The following ZXDC variants were observed in gnomAD, a reference collection of about 807,000 sequenced individuals.
The protein encoded by ZXDC is ZXD family zinc finger C, also known as zinc finger protein ZXDC.
In ZXDC, 58 loss-of-function variants were observed where a neutral mutation model predicts 63.6. The ratio of observed to expected loss-of-function variants is 0.91; its 90% CI spans 0.74 to 1.13. ZXDC has a LOEUF of 1.13. ZXDC is among the 50% of genes most tolerant of loss of function. The pLI is 0.00. For synonymous variants in ZXDC, 561 were observed against 496.1 expected (o/e 1.13, Z -1.74); for missense variants, 1,133 against 1,148.9 (o/e 0.99, Z 0.20).
chr3:126,441,618 G>C, intron 8 of ZXDC, 147 bp downstream of exon 8: 1 of 1,380,050 alleles, frequency 7.2e-7, no homozygotes, highest in Non-Finnish European at 9.3e-7. Flanking sequence ...ACAGGACTTG[G>C]GGCAGTCTAC....
intron 3 of ZXDC, 53 bp downstream of exon 3, chr3:126,471,920 G>A: frequency 6.8e-7 from 1 of 1,463,604 alleles, no homozygotes. Flanking sequence ...TTCTGCTGCT[G>A]ACAAACCACT....
At chr3:126,469,139 C>T (rs1934885579) in intron 4 of ZXDC, among the ~76,000 whole-genome samples, 1 of 152,156 alleles carries the variant, frequency 6.6e-6, no homozygotes, top group Non-Finnish European at 1.5e-5. Flanking sequence ...GACCTACTTA[C>T]GTGGCAAACT....
intron 7 of ZXDC, among the ~76,000 whole-genome samples, chr3:126,447,503 A>G (rs1017345931): frequency 6.6e-6 from 1 of 152,196 alleles, no homozygotes; most frequent in African/African-American, 2.4e-5. Flanking sequence ...TCATTAAGTA[A>G]TCATCATTCT....
intron 7 of ZXDC, chr3:126,450,661 TC>T (rs748660354): frequency 1.3e-5 from 5 of 392,432 alleles, no homozygotes; most frequent in Non-Finnish European, 2.6e-5. Context: ...TGGAGGGTGG[TC>T]CCTTCTGCTT....
In ZXDC at chr3:126,438,237, T is replaced by G; in HGVS notation, c.*138A>C. 4.2e-6 allele frequency: 3 copies of G among 712,430 alleles called. No individual in the cohort carries two copies. Among genetic ancestry groups the G allele is most frequent in the South Asian group, 3.2e-5 (2 of 62,646 alleles). The allele number at this position is 712,430 out of a possible 1,614,324, so 44.1% of individuals were successfully genotyped here. A position where few individuals can be genotyped will look rare whatever the true frequency, so the allele number is the denominator to read the frequency against. ...ACAAAAGGAAAACATTTTTGATAAA[T>G]GTACCCAAAAGTCTCAAAAGGGCTA... On this transcript the variant is annotated 3_prime_UTR_variant, in exon 10 of 10. Coordinates refer to ENST00000389709, the MANE Select transcript of ZXDC (RefSeq NM_025112.5).
At chr3:126,466,470 A>C in intron 4 of ZXDC, 145 bp from the exon 5 acceptor site, 1 of 836,794 alleles carries the variant, frequency 1.2e-6, no homozygotes, top group Non-Finnish European at 1.9e-6. Context: ...TATCTCTAGA[A>C]GTAGCATCAC....
At chr3:126,466,428 C>A in intron 4 of ZXDC, 103 bp from the exon 5 acceptor site, 1 of 1,005,808 alleles carries the variant, frequency 9.9e-7, no homozygotes, top group Admixed American at 2.2e-5. Flanking sequence ...CTGCATTTTG[C>A]ACCCTGGCTA....
rs750911708 is a variant in ZXDC, at chr3:126,439,746, A to G, written c.2395-19T>C. 35 of 1,547,244 alleles carry G rather than the reference A, an allele frequency of 2.3e-5. No homozygotes were observed. Among genetic ancestry groups the G allele is most frequent in the Non-Finnish European group, 3.1e-5 (35 of 1,145,850 alleles). ...GGTCATCCTGGGAAGGCAACACAGA[A>G]AGGCCTGTCACATGTCTGTGAGAGT... On this transcript the variant is annotated intron_variant, in intron 8 of 9. Transcript: ENST00000389709.
chr3:126,441,017 A>C, intron 8 of ZXDC: 1 of 985,550 alleles, frequency 1.0e-6, no homozygotes, highest in Non-Finnish European at 1.2e-6. Flanking sequence ...AGTGGTGAAG[A>C]GGGGCACACA....
chr3:126,455,864 C>T (rs2107641402), intron 7 of ZXDC, among the ~76,000 whole-genome samples: 1 of 151,964 alleles, frequency 6.6e-6, no homozygotes, highest in African/African-American at 2.4e-5. Context: ...ATTAGCTGGG[C>T]ACGGCAGCGC....
Position 126,438,392 on chromosome 3 carries a change from G to A in ZXDC, c.2560C>T (p.Leu854=), listed in dbSNP as rs1421914532. ...GGCTGCCGTCACTGCAGATCCTGCA[G>A]GTTGATAGTGCTTCCTGGGAACTGG... ...ATQFPGSTIN[L]QDLQ Residue 854 remains leucine (L), a synonymous_variant, in exon 10 of 10, where the codon CTG becomes TTG. Transcript: ENST00000389709. 1.2e-6 allele frequency: 2 copies of A among 1,613,518 alleles called. No homozygotes were observed. Among genetic ancestry groups the A allele is most frequent in the Non-Finnish European group, 1.7e-6 (2 of 1,179,804 alleles).
intron 7 of ZXDC, among the ~76,000 whole-genome samples, chr3:126,456,911 G>A (rs6801309): frequency 7.2e-5 from 11 of 152,238 alleles, no homozygotes; most frequent in Admixed American, 5.9e-4. Context: ...CGTGTGGACA[G>A]CATGGCCCAG....
chr3:126,444,508 G>A (rs1933808201), intron 7 of ZXDC, among the ~76,000 whole-genome samples: 2 of 151,794 alleles, frequency 1.3e-5, no homozygotes, highest in African/African-American at 4.8e-5. Context: ...CTCCAGCCTG[G>A]GTGACAGAGC....
rs1934211838 is a variant in ZXDC at position 126,454,002 on chromosome 3, T to C, written c.2212+5651A>G. 3.4e-6 allele frequency: 3 copies of C among 870,826 alleles called. 1 individual carries two copies. The highest frequency in any genetic ancestry group is 1.1e-4 in the South Asian group (2 of 18,944). 53.9% of individuals were successfully genotyped at this position (870,826 alleles called of 1,614,324 possible). ...ATATATGTGTACATATAGGCATATA[T>C]ATATATAAGCAGTACTATATATTAT... On this transcript the variant is annotated intron_variant, in intron 7 of 9. Transcript: ENST00000389709.
chr3:126,455,028 T>C lies in ZXDC; in HGVS notation c.2212+4625A>G, dbSNP rs994951252. ...TAACCACATGCACAACAGCGAAGTC[T>C]TGACTGTTTCTAAATGACCCGATTC... On this transcript the variant is annotated intron_variant, in intron 7 of 9. Coordinates refer to ENST00000389709, the MANE Select transcript of ZXDC (RefSeq NM_025112.5). 4.1e-6 allele frequency: 4 copies of C among 985,470 alleles called. No individual in the cohort carries two copies. The South Asian group carries it at 1.9e-4, about 46-fold the overall frequency. 61.0% of individuals were successfully genotyped at this position (985,470 alleles called of 1,614,324 possible). A position where few individuals can be genotyped will look rare whatever the true frequency, so the allele number is the denominator to read the frequency against.
chr3:126,469,279 G>T (rs73862704), intron 4 of ZXDC, among the ~76,000 whole-genome samples: 2,623 of 152,142 alleles, frequency 0.017, 83 homozygotes, highest in African/African-American at 0.059. Flanking sequence ...GATGATTCGG[G>T]TGCTGTCTGC....
chr3:126,457,581 T>C (rs1485013178), intron 7 of ZXDC: 2 of 985,284 alleles, frequency 2.0e-6, no homozygotes, highest in South Asian at 4.7e-5. Context: ...TTTAAACCAA[T>C]GAGTGCATTA....
At chr3:126,440,073 C>G in intron 8 of ZXDC, 1 of 1,101,112 alleles carries the variant, frequency 9.1e-7, no homozygotes, top group Non-Finnish European at 1.1e-6. Context: ...CCCCCACCAA[C>G]CTTGTGTACC....
chr3:126,469,544 A>C (rs1576690021), intron 4 of ZXDC, among the ~76,000 whole-genome samples: 1 of 150,414 alleles, frequency 6.6e-6, no homozygotes, highest in Non-Finnish European at 1.5e-5. Flanking sequence ...AGGCCATCCC[A>C]CCTCCCCACA....
Sources: gnomAD v4.1 joint callset for allele counts (sites outside exome capture counted in the v4.1 genomes callset) on GRCh38, gnomAD v4.1.1 for gene constraint, MANE v1.5 for transcripts, NCBI Gene and HGNC (gene_info 2026-07-23, HGNC 2026-07-21) for gene names.